TTBK1: variants seen among roughly 807,000 people sequenced by gnomAD.
The protein encoded by TTBK1 is tau tubulin kinase 1.
Under a neutral mutation model 108.5 loss-of-function variants are expected in TTBK1, and 34 were observed. The observed-to-expected ratio is 0.31, with a 90% CI of 0.24 to 0.42. TTBK1 has a LOEUF of 0.42. TTBK1 is among the 10% of genes least tolerant of loss of function. The pLI, the probability that TTBK1 is intolerant of heterozygous loss-of-function variation, is 1.00. For synonymous variants in TTBK1, 809 were observed against 795.1 expected (o/e 1.02, Z -0.29); for missense variants, 1,539 against 1,826.0 (o/e 0.84, Z 2.86).
rs372424122 is a variant in TTBK1, at chr6:43,246,740, A to G, written c.80A>G (p.Asn27Ser). The change falls in exon 2 of 15, where the codon AAC becomes AGC. Residue 27 changes from asparagine (N) to serine (S), a missense_variant. This residue lies in a region of TTBK1 where 45 missense variants were observed against 38.0 expected (regional missense o/e 1.19). Coordinates refer to ENST00000259750, the MANE Select transcript of TTBK1 (RefSeq NM_032538.3). ...GGEQADILPA[N>S]YVVKDRWKVL... ...GAGCAGGCCGACATCCTGCCGGCCAACTACGTGGTCAAGGATCGCTGGAAG... is the reference window on the plus strand; with the variant it reads ...GAGCAGGCCGACATCCTGCCGGCCAGCTACGTGGTCAAGGATCGCTGGAAG... 4.3e-5 allele frequency: 70 copies of G among 1,611,680 alleles called. No homozygotes were observed. Among genetic ancestry groups the G allele is most frequent in the Admixed American group, 1.3e-4 (8 of 59,672 alleles).
rs993934196 is a variant in TTBK1 at position 43,256,073 on chromosome 6, T to C, written c.861+217T>C. Among the ~76,000 whole-genome samples, 3 of 152,162 alleles carry C rather than the reference T, an allele frequency of 2.0e-5. No individual in the cohort carries two copies. In the South Asian group the frequency reaches 6.2e-4, roughly 32 times the overall value. On this transcript the variant is annotated intron_variant, in intron 9 of 14. Coordinates refer to ENST00000259750, the MANE Select transcript of TTBK1 (RefSeq NM_032538.3). ...CCCTGTTCTCAGTGCTTTTCATGCA[T>C]TCACTCATTTAAGCTTCCAAGCAAG...
chr6:43,246,559 G>T (rs532876362), intron 1 of TTBK1, 48 bp from the exon 2 acceptor site: 186 of 746,374 alleles, frequency 2.5e-4, no homozygotes, highest in Non-Finnish European at 3.9e-4. Context: ...TCTGCCAGGT[G>T]GTCCTGGGTC....
rs1777638960 is a variant in TTBK1, at chr6:43,265,008, G to A, written c.1986+1658G>A. The stretch of plus-strand genomic sequence containing the variant: ...TTATTCTGACAAGGACAGGGTGTCA[G>A]AATAGGCAGAGAGCCACTGGCCTGA... On this transcript the variant is annotated intron_variant, in intron 13 of 14. Coordinates refer to ENST00000259750, the MANE Select transcript of TTBK1 (RefSeq NM_032538.3). The surrounding 1 kb of genome is among the most constrained non-coding windows in gnomAD (Gnocchi z 4.1). Among the ~76,000 whole-genome samples the A allele has an allele frequency of 6.6e-6, 1 of 152,238 alleles. No homozygotes were observed. Among genetic ancestry groups the A allele is most frequent in the Non-Finnish European group, 1.5e-5 (1 of 68,042 alleles).
chr6:43,272,596 G>A, intron 13 of TTBK1: 1 of 985,380 alleles, frequency 1.0e-6, no homozygotes, highest in Non-Finnish European at 1.2e-6. Flanking sequence ...AGGGGAGAGT[G>A]TTTTGTAAGC....
In TTBK1 at chr6:43,283,042, G is replaced by A; in HGVS notation, c.2302G>A (p.Glu768Lys). Reference sequence around the variant, plus strand: ...GGAGGAAGAAGAGGAGGAGGAGGAAGAGGAGGAGGAGGCTGCAGCGGCAGT... The same window carrying A: ...GGAGGAAGAAGAGGAGGAGGAGGAAAAGGAGGAGGAGGCTGCAGCGGCAGT... ...EEEEEEEEEE[E>K]EEEAAAAVAL... Residue 768 changes from glutamate (E) to lysine (K), a missense_variant, in exon 14 of 15, where the codon GAG becomes AAG. Physicochemically the swap from Glu to Lys is moderately conservative, Grantham distance 56 (BLOSUM62 1). Transcript: ENST00000259750. The surrounding 1 kb of genome is among the most constrained non-coding windows in gnomAD (Gnocchi z 8.1). The A allele has an allele frequency of 6.3e-7, 1 of 1,589,810 alleles. No individual in the cohort carries two copies. The highest frequency in any genetic ancestry group is 8.6e-7 in the Non-Finnish European group (1 of 1,167,972).
In TTBK1 at chr6:43,279,883, G is replaced by T. The variant is rs1011881377; in HGVS notation, c.1987-2844G>T. On this transcript the variant is annotated intron_variant, in intron 13 of 14. Coordinates refer to ENST00000259750, the MANE Select transcript of TTBK1 (RefSeq NM_032538.3). ...TCTCCTCAGCCTCTCGAGTAGCTGG[G>T]ACCACAGGCGTGCACAACCACGCCC... 1.5e-4 allele frequency among the ~76,000 whole-genome samples: 23 copies of T among 152,046 alleles called. 1 individual carries two copies. The East Asian group carries it at 4.3e-3, about 28-fold the overall frequency.
At position 43,283,914 on chromosome 6, in the gene TTBK1, C is replaced by T; in HGVS notation, c.3174C>T (p.Val1058=). ...PGSRPRSRIP[V]LLSEEDTGSE... ...CTCGCCCCAGGAGCCGTATCCCTGT[C>T]CTGCTCTCTGAGGAGGACACGGGCT... The change falls in exon 14 of 15, where the codon GTC becomes GTT. Residue 1058 remains valine (V), a synonymous_variant. Coordinates refer to ENST00000259750, the MANE Select transcript of TTBK1 (RefSeq NM_032538.3). This position sits in a 1 kb window ranked among gnomAD's most constrained non-coding sequence, Gnocchi z 8.1. 1 of 1,613,142 alleles carries T rather than the reference C, an allele frequency of 6.2e-7. No homozygotes were observed. The highest frequency in any genetic ancestry group is 1.1e-5 in the South Asian group (1 of 91,076).
intron 13 of TTBK1, among the ~76,000 whole-genome samples, chr6:43,266,049 T>G (rs964869244): frequency 1.3e-5 from 2 of 152,192 alleles, no homozygotes; most frequent in Non-Finnish European, 2.9e-5. Flanking sequence ...GGGTCCTGCT[T>G]GTGACAGGGA....
At position 43,254,663 on chromosome 6, in the gene TTBK1, C is replaced by T. The variant is rs780336245; in HGVS notation, c.576+12C>T. The T allele has an allele frequency of 6.4e-6, 10 of 1,551,238 alleles. No homozygotes were observed. The highest frequency in any genetic ancestry group is 8.7e-6 in the Non-Finnish European group (10 of 1,151,898). ...GGGATGTGCGGCCCGTGAGTACCGT[C>T]GGGGCGGGGAGGACAGTGGAGGACT... On this transcript the variant is annotated intron_variant, in intron 6 of 14. Coordinates refer to ENST00000259750, the MANE Select transcript of TTBK1 (RefSeq NM_032538.3).
Position 43,285,025 on chromosome 6 carries a change from C to A in TTBK1, c.3615C>A (p.Asp1205Glu), listed in dbSNP as rs1320309131. The change falls in exon 15 of 15, where the codon GAC (aspartate) becomes GAA (glutamate). Residue 1205 changes from aspartate (D) to glutamate (E), a missense_variant. Physicochemically the swap from Asp to Glu is conservative, Grantham distance 45. Transcript: ENST00000259750. This position sits in a 1 kb window ranked among gnomAD's most constrained non-coding sequence, Gnocchi z 4.7. ...QTPPGSATAA[D>E]LRPKQPPGRG... is the part of the protein sequence containing the mutation. ...CCCCAGGGTCGGCCACTGCTGCTGACCTCCGCCCCAAACAACCTCCTGGCC... is the reference window on the plus strand; with the variant it reads ...CCCCAGGGTCGGCCACTGCTGCTGAACTCCGCCCCAAACAACCTCCTGGCC... 2.0e-6 allele frequency: 3 copies of A among 1,516,798 alleles called. No individual in the cohort carries two copies. The highest frequency in any genetic ancestry group is 2.7e-5 in the East Asian group (1 of 37,202). 94.0% of individuals were successfully genotyped at this position (1,516,798 alleles called of 1,614,324 possible).
chr6:43,252,716 C>T (rs1381328253), intron 2 of TTBK1, 23 bp from the exon 3 acceptor site: 16 of 1,613,390 alleles, frequency 9.9e-6, no homozygotes, highest in Non-Finnish European at 1.4e-5. Context: ...CCCTGAGCAC[C>T]CCCTATCCCC....
intron 13 of TTBK1, among the ~76,000 whole-genome samples, chr6:43,275,508 G>A (rs1777955338): frequency 6.6e-6 from 1 of 152,024 alleles, no homozygotes; most frequent in Non-Finnish European, 1.5e-5. Context: ...GGGGACAGGC[G>A]GAGGCGTTCG....
rs1478999688 is a variant in TTBK1 at position 43,285,227 on chromosome 6, CCCCGGGGCGTCCCGCCGG to C, written c.3824_3841del (p.Gly1275_Arg1280del). 3 of 1,303,916 alleles carry C rather than the reference CCCCGGGGCGTCCCGCCGG, an allele frequency of 2.3e-6. No homozygotes were observed. The highest frequency in any genetic ancestry group is 2.2e-4 in the Middle Eastern group (1 of 4,556). 80.8% of individuals were successfully genotyped at this position (1,303,916 alleles called of 1,614,324 possible). ...CCAGGCCCGGCCCGGGGTCCCCCCGCCCCGGGGCGTCCCGCCGGCCCGGGCCCAGCCTGATGGCACCCC... is the reference window on the plus strand; with the variant it reads ...CCAGGCCCGGCCCGGGGTCCCCCCGCCCCGGGCCCAGCCTGATGGCACCCC... On this transcript the variant is annotated inframe_deletion, in exon 15 of 15. Transcript: ENST00000259750. The surrounding 1 kb of genome is among the most constrained non-coding windows in gnomAD (Gnocchi z 4.7).
rs1233063137 is a variant in TTBK1, at chr6:43,253,723, C to T, written c.471+15C>T. On this transcript the variant is annotated intron_variant, in intron 5 of 14. Coordinates refer to ENST00000259750, the MANE Select transcript of TTBK1 (RefSeq NM_032538.3). The surrounding 1 kb of genome is among the most constrained non-coding windows in gnomAD (Gnocchi z 5.8). Reference sequence around the variant, plus strand: ...ACATCAAGCCTGTGAGTACTGCCCCCACACGCCTCTCTGTTCCCTCCTCCA... The same window carrying T: ...ACATCAAGCCTGTGAGTACTGCCCCTACACGCCTCTCTGTTCCCTCCTCCA... 1 of 1,606,322 alleles carries T rather than the reference C, an allele frequency of 6.2e-7. No homozygotes were observed. The highest frequency in any genetic ancestry group is 1.1e-5 in the South Asian group (1 of 89,858).
Position 43,263,887 on chromosome 6 carries a change from C to T in TTBK1, c.1986+537C>T, listed in dbSNP as rs1330700311. On this transcript the variant is annotated intron_variant, in intron 13 of 14. Coordinates refer to ENST00000259750, the MANE Select transcript of TTBK1 (RefSeq NM_032538.3). This position sits in a 1 kb window ranked among gnomAD's most constrained non-coding sequence, Gnocchi z 4.7. ...GATTGAAATGGCCTGAAATGAGATG[C>T]AAGCAGGCCACGTGGCAGGCAGTGG... Among the ~76,000 whole-genome samples the T allele has an allele frequency of 6.6e-6, 1 of 152,146 alleles. No individual in the cohort carries two copies. Among genetic ancestry groups the T allele is most frequent in the Non-Finnish European group, 1.5e-5 (1 of 68,034 alleles).
In TTBK1 at chr6:43,276,426, G is replaced by C. The variant is rs1166567714; in HGVS notation, c.1987-6301G>C. Among the ~76,000 whole-genome samples the C allele has an allele frequency of 3.3e-5, 5 of 152,094 alleles. No homozygotes were observed. Among genetic ancestry groups the C allele is most frequent in the African/African-American group, 4.8e-5 (2 of 41,408 alleles). On this transcript the variant is annotated intron_variant, in intron 13 of 14. Transcript: ENST00000259750. This position sits in a 1 kb window ranked among gnomAD's most constrained non-coding sequence, Gnocchi z 5.4. Reference sequence around the variant, plus strand: ...ACTGAGCCCCCTGCCCCTAGACTGCGAGTACTGTACAAATCCAACACTTGA... The same window carrying C: ...ACTGAGCCCCCTGCCCCTAGACTGCCAGTACTGTACAAATCCAACACTTGA...
chr6:43,264,121 C>T (rs1402329238), intron 13 of TTBK1, among the ~76,000 whole-genome samples: 4 of 152,130 alleles, frequency 2.6e-5, no homozygotes, highest in Non-Finnish European at 5.9e-5. Flanking sequence ...GTGGCTCAGG[C>T]CTGTAATCCC....
chr6:43,259,205 C>T lies in TTBK1; in HGVS notation c.1184C>T (p.Pro395Leu). The T allele has an allele frequency of 6.2e-7, 1 of 1,600,368 alleles. No individual in the cohort carries two copies. Among genetic ancestry groups the T allele is most frequent in the Non-Finnish European group, 8.5e-7 (1 of 1,174,308 alleles). Reference protein sequence around the residue: ...SPHLVPHPGGPEAEVWEETDV... With the variant: ...SPHLVPHPGGLEAEVWEETDV... ...CACCTTGTCCCCCACCCCGGGGGTC[C>T]TGAGGCTGAAGTCTGGGAGGAGACA... Residue 395 changes from proline to leucine, a missense_variant, in exon 11 of 15, where the codon CCT becomes CTT. Pro to Leu is a moderately conservative substitution (Grantham distance 98, BLOSUM62 -3). Around this residue, in one of 5 missense-constraint regions of TTBK1, gnomAD observed 277 missense variants for 332.4 expected, o/e 0.83. Coordinates refer to ENST00000259750, the MANE Select transcript of TTBK1 (RefSeq NM_032538.3). The surrounding 1 kb of genome is among the most constrained non-coding windows in gnomAD (Gnocchi z 6.7).
chr6:43,274,416 G>A (rs1777910684), intron 13 of TTBK1, among the ~76,000 whole-genome samples: 1 of 152,110 alleles, frequency 6.6e-6, no homozygotes, highest in African/African-American at 2.4e-5. Flanking sequence ...AGTGGTCGGG[G>A]GAGCCTTGGG....
Sources: gnomAD v4.1 joint callset for allele counts (sites outside exome capture counted in the v4.1 genomes callset) on GRCh38, gnomAD v4.1.1 for gene constraint, gnomAD v4.1.1 regional missense constraint, Gnocchi (gnomAD v3.1) non-coding constraint, MANE v1.5 for transcripts, NCBI Gene and HGNC (gene_info 2026-07-23, HGNC 2026-07-21) for gene names.